Variants in SLC30A7 observed in about 807,000 individuals in gnomAD.
SLC30A7 encodes the protein solute carrier family 30 member 7, also known as zinc transporter 7.
In SLC30A7, 35 loss-of-function variants were observed where a neutral mutation model predicts 46.0. That is an observed-to-expected ratio of 0.76 (90% CI 0.58 to 1.01). SLC30A7 has a LOEUF of 1.01. Among genes scored for constraint, SLC30A7 ranks in the 50% least tolerant of loss-of-function variants. The probability of loss-of-function intolerance (pLI) is 0.00; values close to 1 mark genes in which losing one functional copy is unlikely to be tolerated. For synonymous variants in SLC30A7, 147 were observed against 157.8 expected, an observed-to-expected ratio of 0.93 and a Z score of 0.51; for missense variants, 464 against 451.1, an observed-to-expected ratio of 1.03 and a Z score of -0.26.
In SLC30A7 at chr1:100,896,689, T is replaced by A; in HGVS notation, c.182+18T>A. ...AGCAACTGGTAACCAAAGGGGAAAA[T>A]GGTTTGGGCGGAAGCTGGGTGTGAG... On this transcript the variant is annotated intron_variant, in intron 2 of 10. Transcript: ENST00000357650. The A allele has an allele frequency of 5.6e-6, 9 of 1,607,746 alleles. No homozygotes were observed. The highest frequency in any genetic ancestry group is 7.7e-6 in the Non-Finnish European group (9 of 1,174,814).
chr1:100,991,082 G>A, the SLC30A7 span, among the ~76,000 whole-genome samples: 3 of 152,176 alleles, frequency 2.0e-5, no homozygotes, highest in Admixed American at 6.5e-5. Context: ...CCAATTAGCT[G>A]TGTGATAAAC....
chr1:100,987,206 A>T, the SLC30A7 span, among the ~76,000 whole-genome samples: 1 of 152,090 alleles, frequency 6.6e-6, no homozygotes, highest in Non-Finnish European at 1.5e-5. Flanking sequence ...TACGTTAGTT[A>T]TGATTTTCTT....
At chr1:100,972,688 G>C (rs1656226400) in intron 10 of SLC30A7, 2 of 152,176 alleles carry the variant, frequency 1.3e-5, no homozygotes, top group Admixed American at 1.3e-4. Flanking sequence ...TGATATATAA[G>C]AATTTTTAAA....
chr1:100,984,976 AAAAC>A (rs1657183180), downstream of SLC30A7, among the ~76,000 whole-genome samples: 1 of 152,232 alleles, frequency 6.6e-6, no homozygotes, highest in East Asian at 1.9e-4. Context: ...GTTAAAATAA[AAAAC>A]AGAAGACATA....
chr1:100,993,161 C>T, the SLC30A7 span, among the ~76,000 whole-genome samples: 1 of 152,094 alleles, frequency 6.6e-6, no homozygotes, highest in Non-Finnish European at 1.5e-5. Context: ...TAAACTAAAG[C>T]ATCTTGGATG....
intron 2 of SLC30A7, among the ~76,000 whole-genome samples, chr1:100,903,526 TTTA>T (rs922279523): frequency 1.3e-5 from 2 of 152,156 alleles, no homozygotes; most frequent in African/African-American, 4.8e-5. Flanking sequence ...ATGTATCAGT[TTTA>T]TTATTCTGCT....
At chr1:100,984,676 A>AGAT (rs2101117510), downstream of SLC30A7, among the ~76,000 whole-genome samples, 1 of 152,340 alleles carries the variant, frequency 6.6e-6, no homozygotes, top group African/African-American at 2.4e-5. Flanking sequence ...TCAAACAAAA[A>AGAT]GATTGATATT....
intron 8 of SLC30A7, among the ~76,000 whole-genome samples, chr1:100,931,172 A>C (rs537107624): frequency 6.6e-6 from 1 of 152,316 alleles, no homozygotes; most frequent in Admixed American, 6.5e-5. Flanking sequence ...AATATCATTC[A>C]GCAAAAATTC....
chr1:100,973,831 C>A (rs1656303517), intron 10 of SLC30A7, among the ~76,000 whole-genome samples: 2 of 152,028 alleles, frequency 1.3e-5, no homozygotes, highest in South Asian at 4.2e-4. Context: ...GAGTGACCAT[C>A]TGTATTATTG....
intron 2 of SLC30A7, among the ~76,000 whole-genome samples, chr1:100,901,176 C>T (rs369075518): frequency 2.6e-5 from 4 of 152,118 alleles, no homozygotes; most frequent in South Asian, 2.1e-4. Flanking sequence ...ATCCAGCTAA[C>T]GAGTATTCAG....
chr1:100,937,004 A>G lies in SLC30A7; in HGVS notation c.842+15163A>G, dbSNP rs138757302. Among the ~76,000 whole-genome samples the G allele has an allele frequency of 2.0e-5, 3 of 152,252 alleles. No individual in the cohort carries two copies. The East Asian group carries it at 5.8e-4, about 29-fold the overall frequency. On this transcript the variant is annotated intron_variant, in intron 8 of 10. Transcript: ENST00000357650. Reference sequence around the variant, plus strand: ...ACATAGATTTAGTATATTTACTCATACTCATACACATAGATTATCTGTATC... The same window carrying G: ...ACATAGATTTAGTATATTTACTCATGCTCATACACATAGATTATCTGTATC...
rs1656929433 is a variant in SLC30A7 at position 100,981,461 on chromosome 1, A to G, written c.*6604A>G. On this transcript the variant is annotated 3_prime_UTR_variant, in exon 11 of 11. Coordinates refer to ENST00000357650, the MANE Select transcript of SLC30A7 (RefSeq NM_133496.5). The stretch of plus-strand genomic sequence containing the variant: ...TATTTAAACATATGGCCAAGTTAGT[A>G]TTTGGGTTTGATTCCTTTGGTGAAG... 1 of 152,158 alleles carries G rather than the reference A, an allele frequency of 6.6e-6. No homozygotes were observed. Among genetic ancestry groups the G allele is most frequent in the African/African-American group, 2.4e-5 (1 of 41,438 alleles). The allele number at this position is 152,158 out of a possible 1,614,324, so 9.4% of individuals were successfully genotyped here. A position where few individuals can be genotyped will look rare whatever the true frequency, so the allele number is the denominator to read the frequency against.
chr1:100,960,334 C>G (rs1655470089), intron 8 of SLC30A7, among the ~76,000 whole-genome samples: 2 of 152,202 alleles, frequency 1.3e-5, no homozygotes, highest in South Asian at 4.1e-4. Context: ...ACAGTCTCCT[C>G]ATTTCTTTCC....
intron 8 of SLC30A7, among the ~76,000 whole-genome samples, chr1:100,936,154 A>C (rs1030380657): frequency 6.6e-6 from 1 of 151,546 alleles, no homozygotes; most frequent in Non-Finnish European, 1.5e-5. Context: ...TCTATGGGTG[A>C]ATTACATGCT....
At chr1:100,899,360 C>T (rs1651160750) in intron 2 of SLC30A7, among the ~76,000 whole-genome samples, 1 of 152,158 alleles carries the variant, frequency 6.6e-6, no homozygotes, top group African/African-American at 2.4e-5. Context: ...ACATTAAATT[C>T]CATTCTCTCA....
At position 100,938,460 on chromosome 1, in the gene SLC30A7, G is replaced by A. The variant is rs1654119807; in HGVS notation, c.842+16619G>A. Among the ~76,000 whole-genome samples the A allele has an allele frequency of 2.0e-5, 3 of 152,170 alleles. No homozygotes were observed. In the South Asian group the frequency reaches 6.2e-4, roughly 31 times the overall value. The stretch of plus-strand genomic sequence containing the variant: ...CTTACTTGTTTCTTTTTACTAGACT[G>A]AAGAATTGCCATGTGTATTAGTTTT... On this transcript the variant is annotated intron_variant, in intron 8 of 10. Transcript: ENST00000357650.
intron 8 of SLC30A7, among the ~76,000 whole-genome samples, chr1:100,960,960 T>A (rs918198947): frequency 2.7e-5 from 4 of 147,258 alleles, no homozygotes; most frequent in Non-Finnish European, 6.0e-5. Flanking sequence ...TTTTTTTTTT[T>A]TTTTTTTTTT....
Position 100,975,144 on chromosome 1 carries a change from CTTTCTT to C in SLC30A7, c.*291_*296del, listed in dbSNP as rs1440654203. 11 of 286,692 alleles carry C rather than the reference CTTTCTT, an allele frequency of 3.8e-5. No homozygotes were observed. In the East Asian group the frequency reaches 6.3e-4, roughly 16 times the overall value. The allele number at this position is 286,692 out of a possible 1,614,324, so 17.8% of individuals were successfully genotyped here. On this transcript the variant is annotated 3_prime_UTR_variant, in exon 11 of 11. Coordinates refer to ENST00000357650, the MANE Select transcript of SLC30A7 (RefSeq NM_133496.5). Reference sequence around the variant, plus strand: ...TTAGGATGTTAATTTGTCCTTTTGTCTTTCTTTTTTTGTTTTTGTTTTCTGTTTGTT... The same window carrying C: ...TTAGGATGTTAATTTGTCCTTTTGTCTTTTTGTTTTTGTTTTCTGTTTGTT...
chr1:100,952,613 AAG>A (rs1349847499), intron 8 of SLC30A7, among the ~76,000 whole-genome samples: 1 of 151,842 alleles, frequency 6.6e-6, no homozygotes, highest in Non-Finnish European at 1.5e-5. Context: ...AAAAAAAACA[AAG>A]AGATATAGTT....
Sources: gnomAD v4.1 joint callset for allele counts (sites outside exome capture counted in the v4.1 genomes callset) on GRCh38, gnomAD v4.1.1 for gene constraint, MANE v1.5 for transcripts, NCBI Gene and HGNC (gene_info 2026-07-23, HGNC 2026-07-21) for gene names.